The following ANTXR2 variants were observed in gnomAD, a reference collection of about 807,000 sequenced individuals.
ANTXR2 encodes the protein ANTXR cell adhesion molecule 2.
In ANTXR2, 44 loss-of-function variants were observed where a neutral mutation model predicts 73.7. That is an observed-to-expected ratio of 0.60 (90% CI 0.47 to 0.77). ANTXR2 has a LOEUF of 0.77. ANTXR2 is among the 30% of genes least tolerant of loss of function. The probability of loss-of-function intolerance (pLI) is 0.00; values close to 1 mark genes in which losing one functional copy is unlikely to be tolerated. For missense variants in ANTXR2, 604 were observed against 592.5 expected, an observed-to-expected ratio of 1.02 and a Z score of -0.20; for synonymous variants, 217 against 205.9, an observed-to-expected ratio of 1.05 and a Z score of -0.46.
intron 7 of ANTXR2, among the ~76,000 whole-genome samples, chr4:80,040,850 AATATTAGTATTAAGGAGT>A (rs1315361629): frequency 1.3e-5 from 2 of 152,016 alleles, no homozygotes; most frequent in African/African-American, 4.8e-5. Flanking sequence ...CCCAAAAAGT[AATATTAGTATTAAGGAGT>A]ATTTACAAAT....
chr4:80,042,526 GAC>G (rs749369854), intron 7 of ANTXR2, among the ~76,000 whole-genome samples: 3 of 152,030 alleles, frequency 2.0e-5, no homozygotes, highest in South Asian at 4.2e-4. Flanking sequence ...TAGGTTGCTA[GAC>G]ACACACAGTT....
At position 79,986,707 on chromosome 4, in the gene ANTXR2, T is replaced by C. The variant is rs529085591; in HGVS notation, c.1042-1844A>G. ...TTCAAGACATTCTCCTGTGGCACCC[T>C]GCCCCCACAACCAGAGCACTTTTGT... is the stretch of plus-strand genomic sequence containing the variant. On this transcript the variant is annotated intron_variant, in intron 12 of 16. Coordinates refer to ENST00000403729, the MANE Select transcript of ANTXR2 (RefSeq NM_058172.6). Among the ~76,000 whole-genome samples the C allele has an allele frequency of 1.0e-3, 152 of 152,252 alleles. 1 individual carries two copies. Among genetic ancestry groups the C allele is most frequent in the South Asian group, 3.5e-3 (17 of 4,826 alleles).
intron 14 of ANTXR2, among the ~76,000 whole-genome samples, chr4:79,979,801 A>T (rs1204588857): frequency 6.6e-6 from 1 of 152,034 alleles, no homozygotes; most frequent in Non-Finnish European, 1.5e-5. Flanking sequence ...TGTATTAAAA[A>T]CTCTAAAATC....
chr4:80,038,924 T>C (rs1733107145), intron 7 of ANTXR2, among the ~76,000 whole-genome samples: 1 of 152,064 alleles, frequency 6.6e-6, no homozygotes, highest in South Asian at 2.1e-4. Context: ...AACAAACTTT[T>C]TGAGGAAAGA....
intron 10 of ANTXR2, among the ~76,000 whole-genome samples, chr4:80,025,481 A>T (rs931645678): frequency 1.3e-5 from 2 of 152,204 alleles, no homozygotes; most frequent in Admixed American, 1.3e-4. Context: ...AAAATTAAAT[A>T]AAATTGTGAA....
chr4:79,920,599 G>T (rs986902147), intron 16 of ANTXR2, among the ~76,000 whole-genome samples: 1 of 152,116 alleles, frequency 6.6e-6, no homozygotes, highest in Non-Finnish European at 1.5e-5. Context: ...GGCAAAGGCT[G>T]TGGGGAAAAC....
At chr4:80,039,280 C>T (rs992462053) in intron 7 of ANTXR2, among the ~76,000 whole-genome samples, 4 of 152,016 alleles carry the variant, frequency 2.6e-5, no homozygotes, top group Non-Finnish European at 5.9e-5. Context: ...AAAATTTGTT[C>T]TAAATTTGTT....
Position 80,018,915 on chromosome 4 carries a change from C to A in ANTXR2, c.928G>T (p.Val310Phe), listed in dbSNP as rs312262691. 7 of 1,522,350 alleles carry A rather than the reference C, an allele frequency of 4.6e-6. No homozygotes were observed. The highest frequency in any genetic ancestry group is 4.2e-5 in the African/African-American group (3 of 71,056). 94.3% of individuals were successfully genotyped at this position (1,522,350 alleles called of 1,614,324 possible). A position where few individuals can be genotyped will look rare whatever the true frequency, so the allele number is the denominator to read the frequency against. The change falls in exon 11 of 17, where the codon GTC (valine) becomes TTC (phenylalanine). Residue 310 changes from valine to phenylalanine, a missense_variant. Transcript: ENST00000403729. ...TTACTTACACATTCTGTGGCTGTGACAATTAATGATCCTGAAATGACAGAT... is the reference window on the plus strand; with the variant it reads ...TTACTTACACATTCTGTGGCTGTGAAAATTAATGATCCTGAAATGACAGAT... ...GKSVISGSLI[V>F]TATECSNGIA...
chr4:79,915,829 C>CCTCTCTCTCT (rs71596772), intron 16 of ANTXR2, among the ~76,000 whole-genome samples: 1 of 132,948 alleles, frequency 7.5e-6, no homozygotes, highest in Non-Finnish European at 1.6e-5. Context: ...TGTCTCTCTC[C>CCTCTCTCTCT]CTCTCTCTCT....
At chr4:79,964,962 G>T (rs1174828426) in intron 16 of ANTXR2, 1 of 152,252 alleles carries the variant, frequency 6.6e-6, no homozygotes, top group Non-Finnish European at 1.5e-5. Context: ...AAGAGAGCGC[G>T]AGAGAGGGCC....
chr4:79,980,431 C>T (rs1729837295), intron 14 of ANTXR2, among the ~76,000 whole-genome samples: 1 of 152,066 alleles, frequency 6.6e-6, no homozygotes, highest in Non-Finnish European at 1.5e-5. Context: ...AGAATAACAA[C>T]AATAGACTGC....
At chr4:79,952,359 CTG>C (rs983099375) in intron 16 of ANTXR2, among the ~76,000 whole-genome samples, 3 of 151,274 alleles carry the variant, frequency 2.0e-5, no homozygotes, top group African/African-American at 7.3e-5. Context: ...TACATCTAGA[CTG>C]TAATAAATTC....
chr4:79,918,190 CT>C (rs1422268157), intron 16 of ANTXR2, among the ~76,000 whole-genome samples: 1 of 151,950 alleles, frequency 6.6e-6, no homozygotes, highest in African/African-American at 2.4e-5. Flanking sequence ...AAGAAAATAA[CT>C]AAGGAGAATC....
At chr4:80,043,875 C>T (rs1038389359) in intron 7 of ANTXR2, among the ~76,000 whole-genome samples, 1 of 151,752 alleles carries the variant, frequency 6.6e-6, no homozygotes, top group Non-Finnish European at 1.5e-5. Context: ...AGCCTGGACA[C>T]TCTAGGAATG....
In ANTXR2 at chr4:79,935,567, C is replaced by G. The variant is rs889796544; in HGVS notation, c.1429-28100G>C. Among the ~76,000 whole-genome samples the G allele has an allele frequency of 2.6e-5, 4 of 151,864 alleles. No homozygotes were observed. In the East Asian group the frequency reaches 7.7e-4, roughly 29 times the overall value. On this transcript the variant is annotated intron_variant, in intron 16 of 16. Coordinates refer to ENST00000403729, the MANE Select transcript of ANTXR2 (RefSeq NM_058172.6). Reference sequence around the variant, plus strand: ...GAGAAAATGCCAGAAGGAGCTTTAACTAGGGTGAAGCCTGAGTCAAAACAT... The same window carrying G: ...GAGAAAATGCCAGAAGGAGCTTTAAGTAGGGTGAAGCCTGAGTCAAAACAT...
chr4:79,980,921 TAAA>T (rs11397721), intron 14 of ANTXR2, among the ~76,000 whole-genome samples: 48,742 of 137,366 alleles, frequency 0.35, 9,506 homozygotes, highest in Admixed American at 0.44. Context: ...TTAAGGGCTT[TAAA>T]AAAAAAAAAA....
intron 12 of ANTXR2, among the ~76,000 whole-genome samples, chr4:80,005,217 G>T (rs979534970): frequency 2.0e-5 from 3 of 152,096 alleles, no homozygotes; most frequent in Non-Finnish European, 4.4e-5. Flanking sequence ...GCTCATGGAG[G>T]TGGATAGCTG....
At chr4:79,964,980 GA>G (rs1729307697) in intron 16 of ANTXR2, 1 of 152,266 alleles carries the variant, frequency 6.6e-6, no homozygotes, top group African/African-American at 2.4e-5. Context: ...GCCCGAGCGG[GA>G]GACTGCTCGC....
intron 12 of ANTXR2, among the ~76,000 whole-genome samples, chr4:79,986,181 T>A (rs763953491): frequency 6.6e-6 from 1 of 152,160 alleles, no homozygotes; most frequent in Non-Finnish European, 1.5e-5. Flanking sequence ...TATCTGGATA[T>A]TCACACCATC....
Sources: gnomAD v4.1 joint callset for allele counts (sites outside exome capture counted in the v4.1 genomes callset) on GRCh38, gnomAD v4.1.1 for gene constraint, MANE v1.5 for transcripts, NCBI Gene and HGNC (gene_info 2026-07-23, HGNC 2026-07-21) for gene names.